RPA1: variants seen among roughly 807,000 people sequenced by gnomAD.
The protein encoded by RPA1 is replication protein A1, also known as replication protein A 70 kDa DNA-binding subunit.
A neutral mutation model predicts 83.0 loss-of-function variants in RPA1; 49 were observed. That is an observed-to-expected ratio of 0.59 (90% CI 0.47 to 0.75). The LOEUF is 0.75. Among genes scored for constraint, RPA1 ranks in the 30% least tolerant of loss-of-function variants. The pLI, the probability that RPA1 is intolerant of heterozygous loss-of-function variation, is 0.00. For missense variants in RPA1, 693 were observed against 776.1 expected (o/e 0.89, Z 1.27); for synonymous variants, 279 against 281.8 (o/e 0.99, Z 0.10).
At chr17:1,874,032 TACACACAC>T (rs67199303) in intron 6 of RPA1, among the ~76,000 whole-genome samples, 4 of 79,258 alleles carry the variant, frequency 5.0e-5, no homozygotes, top group Non-Finnish European at 6.3e-5. Context: ...TATATATATA[TACACACAC>T]ACACACACAC....
At chr17:1,836,512 G>A (rs1444561328) in intron 1 of RPA1, among the ~76,000 whole-genome samples, 1 of 152,068 alleles carries the variant, frequency 6.6e-6, no homozygotes, top group Non-Finnish European at 1.5e-5. Context: ...TTCCATCAAC[G>A]CACAACTCCT....
chr17:1,873,982 G>A (rs1481270580), intron 6 of RPA1, among the ~76,000 whole-genome samples: 1 of 107,636 alleles, frequency 9.3e-6, no homozygotes, highest in Non-Finnish European at 1.7e-5. Flanking sequence ...AACAAAGTGA[G>A]ACTCTGTCTC....
At position 1,871,079 on chromosome 17, in the gene RPA1, C is replaced by T. The variant is rs1366934000; in HGVS notation, c.362-1355C>T. ...TGCAGAATTTTAGACTGTTCCTTCACAAGATGCATTGTCAGAGATGAGCAG... is the reference window on the plus strand; with the variant it reads ...TGCAGAATTTTAGACTGTTCCTTCATAAGATGCATTGTCAGAGATGAGCAG... On this transcript the variant is annotated intron_variant, in intron 5 of 16. Coordinates refer to ENST00000254719, the MANE Select transcript of RPA1 (RefSeq NM_002945.5). Among the ~76,000 whole-genome samples the T allele has an allele frequency of 3.3e-5, 5 of 152,186 alleles. No individual in the cohort carries two copies. In the East Asian group the frequency reaches 7.7e-4, roughly 23 times the overall value.
intron 5 of RPA1, among the ~76,000 whole-genome samples, chr17:1,871,336 T>G (rs1913370349): frequency 6.6e-6 from 1 of 152,190 alleles, no homozygotes; most frequent in African/African-American, 2.4e-5. Context: ...TTGTGCCAGT[T>G]AAGAGTAATA....
chr17:1,856,313 AAT>A (rs200466776), intron 5 of RPA1, among the ~76,000 whole-genome samples: 2,312 of 147,328 alleles, frequency 0.016, 51 homozygotes, highest in African/African-American at 0.053. Context: ...AAAAAAAAAA[AAT>A]GCCAGGTGCT....
intron 14 of RPA1, among the ~76,000 whole-genome samples, chr17:1,890,678 T>A (rs1460528057): frequency 1.3e-5 from 2 of 151,958 alleles, no homozygotes; most frequent in African/African-American, 4.8e-5. Context: ...ATAAATAAAT[T>A]AAATTAATAA....
chr17:1,844,042 A>G (rs1912164321), intron 3 of RPA1, 44 bp downstream of exon 3: 1 of 1,550,104 alleles, frequency 6.5e-7, no homozygotes, highest in African/African-American at 1.4e-5. Context: ...GTATTTAAAT[A>G]GTAGAAGCAC....
intron 5 of RPA1, among the ~76,000 whole-genome samples, chr17:1,865,657 G>C (rs900643481): frequency 2.0e-5 from 3 of 152,094 alleles, no homozygotes; most frequent in Non-Finnish European, 2.9e-5. Flanking sequence ...TAAAGTTTTC[G>C]TGGTTTCTTT....
intron 5 of RPA1, among the ~76,000 whole-genome samples, chr17:1,855,587 TTGATC>T (rs1377641882): frequency 6.6e-6 from 1 of 152,216 alleles, no homozygotes; most frequent in Non-Finnish European, 1.5e-5. Context: ...CTATATCCCT[TTGATC>T]TGATTTACTT....
At chr17:1,843,601 T>TATTATTATTATTATC (rs1005550004) in intron 2 of RPA1, among the ~76,000 whole-genome samples, 2 of 88,286 alleles carry the variant, frequency 2.3e-5, no homozygotes, top group Admixed American at 2.6e-4. Context: ...GGTGCTTCAT[T>TATTATTATTATTATC]ATTATTATTA....
chr17:1,880,511 A>T (rs1567822751), intron 11 of RPA1, 32 bp from the exon 12 acceptor site: 5 of 1,601,398 alleles, frequency 3.1e-6, no homozygotes, highest in Non-Finnish European at 3.4e-6. Context: ...CCTGCTAGTG[A>T]CACTTGTATA....
chr17:1,874,054 C>CAT (rs1287979805), intron 6 of RPA1, among the ~76,000 whole-genome samples: 64 of 145,996 alleles, frequency 4.4e-4, no homozygotes, highest in African/African-American at 1.6e-3. Flanking sequence ...CACACACACA[C>CAT]ACACACACAC....
intron 15 of RPA1, among the ~76,000 whole-genome samples, chr17:1,892,261 A>T (rs953225052): frequency 6.6e-6 from 1 of 152,070 alleles, no homozygotes; most frequent in Admixed American, 6.6e-5. Flanking sequence ...CGCTTCAGCC[A>T]CCCGAAATGC....
At chr17:1,891,390 C>T (rs543135113) in intron 14 of RPA1, among the ~76,000 whole-genome samples, 4 of 151,668 alleles carry the variant, frequency 2.6e-5, no homozygotes, top group African/African-American at 9.6e-5. Flanking sequence ...TCCCCCGATT[C>T]ACTCAAAACC....
chr17:1,880,544 C>A lies in RPA1; in HGVS notation c.1094C>A (p.Ala365Asp), dbSNP rs1427212709. Residue 365 changes from alanine to aspartate, a missense_variant and splice_region_variant, in exon 12 of 17, where the codon GCT becomes GAT. Coordinates refer to ENST00000254719, the MANE Select transcript of RPA1 (RefSeq NM_002945.5). ...VVTATLWGED[A>D]DKFDGSRQPV... Reference sequence around the variant, plus strand: ...ATATGTCTGGTGTTTCTTTTACAGGCTGATAAATTTGATGGTTCTAGACAG... The same window carrying A: ...ATATGTCTGGTGTTTCTTTTACAGGATGATAAATTTGATGGTTCTAGACAG... 2 of 1,613,256 alleles carry A rather than the reference C, an allele frequency of 1.2e-6. No individual in the cohort carries two copies. Among genetic ancestry groups the A allele is most frequent in the Admixed American group, 3.3e-5 (2 of 59,956 alleles).
chr17:1,866,284 C>A lies in RPA1; in HGVS notation c.362-6150C>A, dbSNP rs187506972. ...TTTTTTTTTGGCCTAGAGATAATCC[C>A]ATATACTTGTATATGCTTAGAGATC... On this transcript the variant is annotated intron_variant, in intron 5 of 16. Transcript: ENST00000254719. Among the ~76,000 whole-genome samples, 90 of 151,944 alleles carry A rather than the reference C, an allele frequency of 5.9e-4. No individual in the cohort carries two copies. The Middle Eastern group carries it at 0.014, about 23-fold the overall frequency.
chr17:1,835,738 T>A (rs560320309), intron 1 of RPA1, among the ~76,000 whole-genome samples: 1 of 152,278 alleles, frequency 6.6e-6, no homozygotes, highest in South Asian at 2.1e-4. Context: ...ATTTTTGAAA[T>A]GCATGCATAG....
chr17:1,835,224 C>T (rs566624742), intron 1 of RPA1, among the ~76,000 whole-genome samples: 4 of 152,196 alleles, frequency 2.6e-5, no homozygotes, highest in African/African-American at 4.8e-5. Flanking sequence ...TCATAGCTCA[C>T]TGCAACCTCC....
At chr17:1,865,696 T>C (rs1426519799) in intron 5 of RPA1, among the ~76,000 whole-genome samples, 2 of 152,200 alleles carry the variant, frequency 1.3e-5, no homozygotes, top group Non-Finnish European at 2.9e-5. Flanking sequence ...TTCATGAGAA[T>C]GTAACCAAAT....
Sources: allele counts gnomAD v4.1 joint callset (sites outside exome capture counted in the v4.1 genomes callset), GRCh38; gene constraint gnomAD v4.1.1; transcripts MANE v1.5; gene names NCBI Gene and HGNC (gene_info 2026-07-23, HGNC 2026-07-21).